PKP4: variants seen among roughly 807,000 people sequenced by gnomAD.
PKP4 encodes the protein plakophilin-4.
A neutral mutation model predicts 145.1 loss-of-function variants in PKP4; 90 were observed. The ratio of observed to expected loss-of-function variants is 0.62; its 90% CI spans 0.52 to 0.74. The LOEUF is 0.74. PKP4 is among the 30% of genes least tolerant of loss of function. The pLI, the probability that PKP4 is intolerant of heterozygous loss-of-function variation, is 0.00. For synonymous variants in PKP4, 563 were observed against 577.2 expected, an observed-to-expected ratio of 0.98 and a Z score of 0.35; for missense variants, 1,340 against 1,482.7, an observed-to-expected ratio of 0.90 and a Z score of 1.58.
chr2:158,599,977 T>G (rs1166556792), intron 3 of PKP4, among the ~76,000 whole-genome samples: 3 of 152,184 alleles, frequency 2.0e-5, no homozygotes, highest in Non-Finnish European at 4.4e-5. Context: ...ACAAAGATAT[T>G]TTTGCCTCCA....
intron 2 of PKP4, among the ~76,000 whole-genome samples, chr2:158,569,748 G>C (rs1334984003): frequency 6.6e-6 from 1 of 152,098 alleles, no homozygotes. Context: ...TGTGCTTAGT[G>C]TTCAATAAAT....
intron 1 of PKP4, among the ~76,000 whole-genome samples, chr2:158,518,162 A>C (rs946875689): frequency 1.3e-5 from 2 of 152,112 alleles, no homozygotes; most frequent in Non-Finnish European, 2.9e-5. Flanking sequence ...TCAGCTGGTG[A>C]CTAGGTCAGG....
At position 158,625,141 on chromosome 2, in the gene PKP4, G is replaced by T. The variant is rs368760945; in HGVS notation, c.867G>T (p.Gly289=). 4 of 1,614,130 alleles carry T rather than the reference G, an allele frequency of 2.5e-6. No homozygotes were observed. The South Asian group carries it at 4.4e-5, about 18-fold the overall frequency. Residue 289 remains glycine (G), a synonymous_variant, in exon 7 of 22, where the codon GGG becomes GGT. Transcript: ENST00000389759. ...CCCCAACAGCTATACGGCGGATTGGGTCAGTCACCTCCCGGCAGACCTCCA... is the reference window on the plus strand; with the variant it reads ...CCCCAACAGCTATACGGCGGATTGGTTCAGTCACCTCCCGGCAGACCTCCA... ...PASPTAIRRI[G]SVTSRQTSNP...
At chr2:158,523,331 C>G (rs2042605764) in intron 1 of PKP4, among the ~76,000 whole-genome samples, 1 of 92,064 alleles carries the variant, frequency 1.1e-5, no homozygotes. Flanking sequence ...CCCCTGACCC[C>G]CGAGCAGCCT....
intron 4 of PKP4, among the ~76,000 whole-genome samples, chr2:158,618,422 T>C (rs2105886270): frequency 6.6e-6 from 1 of 152,302 alleles, no homozygotes; most frequent in Non-Finnish European, 1.5e-5. Flanking sequence ...GATTCTGTTT[T>C]CTAGGGCGTT....
At chr2:158,488,755 G>A (rs1694527083) in intron 1 of PKP4, among the ~76,000 whole-genome samples, 2 of 152,178 alleles carry the variant, frequency 1.3e-5, no homozygotes, top group Admixed American at 1.3e-4. Flanking sequence ...AATAATAGCA[G>A]TGTTAACAAT....
chr2:158,545,216 G>C (rs1316641467), intron 2 of PKP4, among the ~76,000 whole-genome samples: 3 of 151,148 alleles, frequency 2.0e-5, no homozygotes, highest in African/African-American at 7.3e-5. Context: ...GGCATTCTGG[G>C]CCTTCACTCT....
intron 2 of PKP4, among the ~76,000 whole-genome samples, chr2:158,554,489 A>G (rs1348892759): frequency 6.7e-6 from 1 of 149,968 alleles, no homozygotes; most frequent in Non-Finnish European, 1.5e-5. Context: ...GCAGTGGTGC[A>G]ATCTTGGCTC....
In PKP4 at chr2:158,504,254, T is replaced by C. The variant is rs114158541; in HGVS notation, c.-5-28926T>C. On this transcript the variant is annotated intron_variant, in intron 1 of 21. Transcript: ENST00000389759. ...TTTTATACTGTCAACATTGCGTTATTAGGAAGTCAATATAAACAAGTTCCT... is the reference window on the plus strand; with the variant it reads ...TTTTATACTGTCAACATTGCGTTATCAGGAAGTCAATATAAACAAGTTCCT... Among the ~76,000 whole-genome samples, 699 of 152,296 alleles carry C rather than the reference T, an allele frequency of 4.6e-3. 1 individual carries two copies. Among genetic ancestry groups the C allele is most frequent in the African/African-American group, 0.015 (642 of 41,570 alleles).
rs573276837 is a variant in PKP4 at position 158,657,963 on chromosome 2, C to T, written c.1910-168C>T. 3.9e-5 allele frequency among the ~76,000 whole-genome samples: 6 copies of T among 152,246 alleles called. No homozygotes were observed. The South Asian group carries it at 1.2e-3, about 32-fold the overall frequency. On this transcript the variant is annotated intron_variant, in intron 11 of 21. Coordinates refer to ENST00000389759, the MANE Select transcript of PKP4 (RefSeq NM_003628.6). ...TGTAATATGTTGTCGGAGGCTCATA[C>T]CTTCACTCAAAACTCATTAGAGGTC... is the stretch of plus-strand genomic sequence containing the variant.
chr2:158,643,069 G>A (rs747440859), intron 11 of PKP4, among the ~76,000 whole-genome samples: 9 of 152,072 alleles, frequency 5.9e-5, no homozygotes, highest in South Asian at 2.1e-4. Flanking sequence ...AGTCTTTTAC[G>A]TTAGCTCAGC....
At chr2:158,663,565 T>A in intron 15 of PKP4, 120 bp downstream of exon 15, 1 of 839,510 alleles carries the variant, frequency 1.2e-6, no homozygotes, top group Non-Finnish European at 1.9e-6. Flanking sequence ...CACAGCTACT[T>A]AGCTTGTGTG....
At chr2:158,530,358 A>G (rs745473151) in intron 1 of PKP4, among the ~76,000 whole-genome samples, 1 of 151,958 alleles carries the variant, frequency 6.6e-6, no homozygotes, top group Non-Finnish European at 1.5e-5. Context: ...TCTCTGTAGA[A>G]CCCTCAAAAA....
At chr2:158,580,188 A>G (rs1384206363) in intron 3 of PKP4, among the ~76,000 whole-genome samples, 1 of 152,222 alleles carries the variant, frequency 6.6e-6, no homozygotes, top group African/African-American at 2.4e-5. Context: ...TTTTAAGGCT[A>G]TATCGTTCAT....
chr2:158,650,163 A>G (rs188423625), intron 11 of PKP4, among the ~76,000 whole-genome samples: 132 of 152,286 alleles, frequency 8.7e-4, no homozygotes, highest in Middle Eastern at 3.4e-3. Flanking sequence ...AGGATTCTCT[A>G]ATTTCCTTTC....
At chr2:158,667,969 G>A (rs779581047) in intron 16 of PKP4, among the ~76,000 whole-genome samples, 61 of 152,142 alleles carry the variant, frequency 4.0e-4, no homozygotes, top group African/African-American at 2.4e-4. Context: ...TGGTTGACAC[G>A]TATATCCTGT....
chr2:158,515,622 A>G (rs1253903829), intron 1 of PKP4, among the ~76,000 whole-genome samples: 2 of 152,228 alleles, frequency 1.3e-5, no homozygotes, highest in African/African-American at 2.4e-5. Context: ...GGAAAAGCTG[A>G]GGAAAGCCAA....
chr2:158,657,577 A>G (rs1859737), intron 11 of PKP4, among the ~76,000 whole-genome samples: 138,521 of 152,228 alleles, frequency 0.91, 63,112 homozygotes, highest in East Asian at 0.97. Context: ...ACAAACATCC[A>G]TGCCAGGAAA....
Position 158,583,198 on chromosome 2 carries a change from T to TATC in PKP4, c.245+5818_245+5820dup, listed in dbSNP as rs555250187. 1.8e-3 allele frequency among the ~76,000 whole-genome samples: 278 copies of TATC among 152,292 alleles called. 4 individuals are homozygous for TATC. The highest frequency in any genetic ancestry group is 0.016 in the Admixed American group (249 of 15,306). On this transcript the variant is annotated intron_variant, in intron 3 of 21. Transcript: ENST00000389759. The stretch of plus-strand genomic sequence containing the variant: ...GGACTTGTTCTTTTATTCCCTGCAA[T>TATC]ATCATTGATGGGGTATCATTTTCAC...
Sources: allele counts gnomAD v4.1 joint callset (sites outside exome capture counted in the v4.1 genomes callset), GRCh38; gene constraint gnomAD v4.1.1; transcripts MANE v1.5; gene names NCBI Gene and HGNC (gene_info 2026-07-23, HGNC 2026-07-21).